The following GPRASP3 variants were observed in gnomAD, a reference collection of about 807,000 sequenced individuals.
GPRASP3 encodes G protein-coupled receptor associated sorting protein family member 3.
chrX:102,722,783 G>A, the GPRASP3 span, among the ~76,000 whole-genome samples: 3 of 111,940 alleles, frequency 2.7e-5, no homozygotes, highest in Middle Eastern at 4.6e-3. Flanking sequence ...GGTTCTAGGA[G>A]CTCTATGCCA....
chrX:102,734,643 AT>A, the GPRASP3 span, among the ~76,000 whole-genome samples: 1 of 111,689 alleles, frequency 9.0e-6, no homozygotes, highest in Non-Finnish European at 1.9e-5. Context: ...TAATAAAAAA[AT>A]AACAAGACAA....
At chrX:102,739,327 G>A in the GPRASP3 span, among the ~76,000 whole-genome samples, 15 of 111,161 alleles carry the variant, frequency 1.3e-4, 2 homozygotes, top group East Asian at 8.4e-4. Context: ...CTGCCACAGC[G>A]GCTGGACTTC....
the GPRASP3 span, among the ~76,000 whole-genome samples, chrX:102,746,913 G>A: frequency 3.6e-5 from 4 of 112,626 alleles, no homozygotes; most frequent in African/African-American, 9.7e-5. Context: ...GTAAATAACA[G>A]GGTAGTATTT....
the GPRASP3 span, among the ~76,000 whole-genome samples, chrX:102,737,062 A>G: frequency 8.9e-6 from 1 of 111,908 alleles, no homozygotes; most frequent in Non-Finnish European, 1.9e-5. Flanking sequence ...GTGCATCAAG[A>G]GTGGCAAGAA....
the GPRASP3 span, among the ~76,000 whole-genome samples, chrX:102,723,630 A>G: frequency 1.8e-5 from 2 of 111,556 alleles, no homozygotes; most frequent in African/African-American, 6.5e-5. Flanking sequence ...AGTTGCTGAC[A>G]CAGCTTCAAA....
At chrX:102,742,040 T>C in the GPRASP3 span, among the ~76,000 whole-genome samples, 1 of 112,059 alleles carries the variant, frequency 8.9e-6, no homozygotes, top group African/African-American at 3.2e-5. Flanking sequence ...AGGTCAGAAA[T>C]TTATAGAAAG....
chrX:102,733,157 A>G, the GPRASP3 span, among the ~76,000 whole-genome samples: 5,578 of 112,369 alleles, frequency 0.05, 155 homozygotes, highest in Middle Eastern at 0.18. Flanking sequence ...GCCATAAGTT[A>G]AGAATACTCA....
At chrX:102,735,346 C>T in the GPRASP3 span, among the ~76,000 whole-genome samples, 1,196 of 110,607 alleles carry the variant, frequency 0.011, 23 homozygotes, top group African/African-American at 0.038. Flanking sequence ...GTTCAACTTA[C>T]GGAAAAACTG....
the GPRASP3 span, among the ~76,000 whole-genome samples, chrX:102,725,721 A>G: frequency 9.0e-6 from 1 of 110,876 alleles, no homozygotes; most frequent in East Asian, 2.9e-4. Context: ...TAATTTTTGT[A>G]TTTTTAGTGG....
chrX:102,749,044 A>T, the GPRASP3 span: 1 of 1,210,997 alleles, frequency 8.3e-7, no homozygotes, highest in Admixed American at 2.2e-5. Context: ...AACTGAAAAA[A>T]AGGCTGCTAT....
At chrX:102,750,700 G>GTATAA in the GPRASP3 span, 1 of 954,428 alleles carries the variant, frequency 1.0e-6, no homozygotes, top group Non-Finnish European at 1.4e-6. Flanking sequence ...GTACATTACA[G>GTATAA]TGTACACATT....
At chrX:102,730,210 C>T in the GPRASP3 span, among the ~76,000 whole-genome samples, 1 of 111,969 alleles carries the variant, frequency 8.9e-6, no homozygotes, top group South Asian at 3.7e-4. Flanking sequence ...GAGCATGCAA[C>T]CTAGATCCTT....
the GPRASP3 span, among the ~76,000 whole-genome samples, chrX:102,743,359 G>A: frequency 9.0e-5 from 10 of 111,241 alleles, no homozygotes; most frequent in African/African-American, 2.9e-4. Flanking sequence ...TAAACCATAT[G>A]TATTATTGTA....
chrX:102,749,398 A>G, the GPRASP3 span: 1 of 1,212,054 alleles, frequency 8.3e-7, no homozygotes, highest in Non-Finnish European at 1.1e-6. Flanking sequence ...TAGTTTCAGC[A>G]CTAAGAATGA....
chrX:102,750,274 A>G, the GPRASP3 span: 5 of 1,205,578 alleles, frequency 4.1e-6, no homozygotes, highest in Non-Finnish European at 5.6e-6. Context: ...ATCTGGATTA[A>G]AGATACTAGG....
chrX:102,721,084 G>A, the GPRASP3 span: 1 of 111,275 alleles, frequency 9.0e-6, no homozygotes, highest in Admixed American at 9.6e-5. Context: ...GACTAGATGC[G>A]GGTGCAGGTA....
the GPRASP3 span, among the ~76,000 whole-genome samples, chrX:102,742,687 C>T: frequency 1.8e-5 from 2 of 111,619 alleles, no homozygotes; most frequent in Non-Finnish European, 3.8e-5. Context: ...AAAGATAGCT[C>T]AAGCTGGTAC....
At chrX:102,741,950 C>T in the GPRASP3 span, among the ~76,000 whole-genome samples, 6 of 111,818 alleles carry the variant, frequency 5.4e-5, no homozygotes, top group Non-Finnish European at 1.1e-4. Flanking sequence ...CAAACAAGAA[C>T]TGAGGATATT....
the GPRASP3 span, among the ~76,000 whole-genome samples, chrX:102,739,839 G>A: frequency 9.0e-6 from 1 of 111,624 alleles, no homozygotes; most frequent in African/African-American, 3.3e-5. Context: ...ATAAACCTCG[G>A]GGGATATCCA....
Sources: gnomAD v4.1 joint callset for allele counts (sites outside exome capture counted in the v4.1 genomes callset) on GRCh38, gnomAD v4.1.1 for gene constraint, MANE v1.5 for transcripts, NCBI Gene and HGNC (gene_info 2026-07-23, HGNC 2026-07-21) for gene names.